Variants in LHFPL2 observed in about 807,000 individuals in gnomAD.
The protein encoded by LHFPL2 is LHFPL tetraspan subfamily member 2 protein.
A neutral mutation model predicts 17.5 loss-of-function variants in LHFPL2; 7 were observed. The ratio of observed to expected loss-of-function variants is 0.40; its 90% CI spans 0.23 to 0.75. The LOEUF (loss-of-function observed/expected upper bound fraction) is 0.75, where lower values mean the gene tolerates loss of function less well. LHFPL2 is among the 30% of genes least tolerant of loss of function. The probability of loss-of-function intolerance (pLI) is 0.37; values close to 1 mark genes in which losing one functional copy is unlikely to be tolerated. For missense variants in LHFPL2, 241 were observed against 294.8 expected (o/e 0.82, Z 1.34); for synonymous variants, 134 against 116.2 (o/e 1.15, Z -0.99).
Position 78,618,607 on chromosome 5 carries a change from T to C in LHFPL2, c.-245+13657A>G, listed in dbSNP as rs114952490. On this transcript the variant is annotated intron_variant, in intron 2 of 4. Coordinates refer to ENST00000380345, the MANE Select transcript of LHFPL2 (RefSeq NM_005779.3). ...GGAGCTCAGGGCTTGAAGAGCAGTG[T>C]TCCTTCCAACAAGACAGGAACTGCA... Among the ~76,000 whole-genome samples, 479 of 152,292 alleles carry C rather than the reference T, an allele frequency of 3.1e-3. 4 individuals carry two copies. Among genetic ancestry groups the C allele is most frequent in the African/African-American group, 0.011 (465 of 41,552 alleles).
chr5:78,512,284 A>G (rs934209079), intron 3 of LHFPL2, among the ~76,000 whole-genome samples: 4 of 151,974 alleles, frequency 2.6e-5, no homozygotes, highest in African/African-American at 9.7e-5. Context: ...CTTCAAGGGC[A>G]GAGTCCTGGT....
intron 1 of LHFPL2, among the ~76,000 whole-genome samples, chr5:78,642,792 T>A (rs1580886601): frequency 6.6e-6 from 1 of 152,176 alleles, no homozygotes; most frequent in Admixed American, 6.5e-5. Context: ...CTCTCCAAAC[T>A]GAGGTTCCCA....
At chr5:78,551,714 C>T (rs551108720) in intron 3 of LHFPL2, among the ~76,000 whole-genome samples, 18 of 152,312 alleles carry the variant, frequency 1.2e-4, no homozygotes, top group African/African-American at 3.6e-4. Flanking sequence ...TCCCACTTCC[C>T]CAAGGTGGGT....
rs889812396 is a variant in LHFPL2, at chr5:78,583,086, CAG to C, written c.-244-18217_-244-18216del. On this transcript the variant is annotated intron_variant, in intron 2 of 4. Coordinates refer to ENST00000380345, the MANE Select transcript of LHFPL2 (RefSeq NM_005779.3). ...TTTGTTGCTTTAAAGTCTGTTTTAT[CAG>C]AGACTAGGATTGCAACCCCTGCCTT... Among the ~76,000 whole-genome samples, 24 of 152,174 alleles carry C rather than the reference CAG, an allele frequency of 1.6e-4. No individual in the cohort carries two copies. In the East Asian group the frequency reaches 4.1e-3, roughly 26 times the overall value.
At chr5:78,582,746 A>G (rs1743194575) in intron 2 of LHFPL2, among the ~76,000 whole-genome samples, 1 of 152,174 alleles carries the variant, frequency 6.6e-6, no homozygotes, top group Admixed American at 6.5e-5. Flanking sequence ...GTGGTGCTGA[A>G]AAAAATGTAT....
chr5:78,573,991 A>G (rs575606012), intron 2 of LHFPL2, among the ~76,000 whole-genome samples: 1 of 152,326 alleles, frequency 6.6e-6, no homozygotes, highest in African/African-American at 2.4e-5. Flanking sequence ...CCTATATTTT[A>G]TAGGAAACAA....
intron 1 of LHFPL2, among the ~76,000 whole-genome samples, chr5:78,638,136 C>G (rs368155164): frequency 6.6e-6 from 1 of 152,200 alleles, no homozygotes; most frequent in Non-Finnish European, 1.5e-5. Flanking sequence ...AGGTGGATCA[C>G]GAGGTCAGGA....
intron 4 of LHFPL2, among the ~76,000 whole-genome samples, chr5:78,494,761 C>G (rs1386670916): frequency 2.0e-5 from 3 of 152,210 alleles, no homozygotes; most frequent in Admixed American, 1.3e-4. Flanking sequence ...TTTTATCTAC[C>G]CGTGCAAGAA....
chr5:78,557,545 A>G (rs1396692891), intron 3 of LHFPL2, among the ~76,000 whole-genome samples: 1 of 152,274 alleles, frequency 6.6e-6, no homozygotes, highest in African/African-American at 2.4e-5. Context: ...AGAGGAGACC[A>G]GCTCTTTCAG....
At chr5:78,505,827 T>C (rs1357346826) in intron 4 of LHFPL2, among the ~76,000 whole-genome samples, 1 of 152,388 alleles carries the variant, frequency 6.6e-6, no homozygotes, top group South Asian at 2.1e-4. Flanking sequence ...GCTTAAGCCT[T>C]TCTCATATAT....
chr5:78,587,271 T>A (rs1315463471), intron 2 of LHFPL2, among the ~76,000 whole-genome samples: 2 of 152,210 alleles, frequency 1.3e-5, no homozygotes, highest in African/African-American at 4.8e-5. Context: ...GGTTGATGCT[T>A]GTTGGCAAAG....
intron 2 of LHFPL2, among the ~76,000 whole-genome samples, chr5:78,570,866 G>A (rs932314021): frequency 2.6e-5 from 4 of 152,190 alleles, no homozygotes; most frequent in Admixed American, 2.0e-4. Flanking sequence ...AACTTGGGCT[G>A]TAAGTGCTGA....
At chr5:78,552,530 G>A (rs370772090) in intron 3 of LHFPL2, among the ~76,000 whole-genome samples, 98 of 152,328 alleles carry the variant, frequency 6.4e-4, no homozygotes, top group African/African-American at 2.2e-3. Context: ...ACGTAATAAG[G>A]GGGAAACCTG....
chr5:78,591,634 C>T (rs1448113493), intron 2 of LHFPL2, among the ~76,000 whole-genome samples: 1 of 152,148 alleles, frequency 6.6e-6, no homozygotes, highest in East Asian at 1.9e-4. Flanking sequence ...TTGACATTGT[C>T]GCGTCTACCC....
chr5:78,491,226 A>C (rs1227291959), intron 4 of LHFPL2: 1 of 151,240 alleles, frequency 6.6e-6, no homozygotes, highest in Non-Finnish European at 1.5e-5. Context: ...GGGGTGGAGT[A>C]GAGGGAATCA....
At chr5:78,575,434 A>G (rs573158667) in intron 2 of LHFPL2, among the ~76,000 whole-genome samples, 139 of 152,264 alleles carry the variant, frequency 9.1e-4, no homozygotes, top group African/African-American at 3.2e-3. Context: ...CTGTAGTCCC[A>G]GCTACTCGGG....
At chr5:78,547,417 G>A (rs563947787) in intron 3 of LHFPL2, among the ~76,000 whole-genome samples, 44 of 152,324 alleles carry the variant, frequency 2.9e-4, no homozygotes, top group Non-Finnish European at 5.9e-4. Flanking sequence ...TTACATGGCT[G>A]TGCCAGCCAG....
At chr5:78,557,678 A>T (rs2112404244) in intron 3 of LHFPL2, among the ~76,000 whole-genome samples, 1 of 152,298 alleles carries the variant, frequency 6.6e-6, no homozygotes, top group South Asian at 2.1e-4. Context: ...GTTATAGAAC[A>T]ATTTGGATCA....
chr5:78,575,074 CTTG>C (rs1305764940), intron 2 of LHFPL2, among the ~76,000 whole-genome samples: 1 of 152,190 alleles, frequency 6.6e-6, no homozygotes, highest in Non-Finnish European at 1.5e-5. Context: ...ATCCTGTGTT[CTTG>C]CCAGTGGATT....
Sources: gnomAD v4.1 joint callset for allele counts (sites outside exome capture counted in the v4.1 genomes callset) on GRCh38, gnomAD v4.1.1 for gene constraint, MANE v1.5 for transcripts, NCBI Gene and HGNC (gene_info 2026-07-23, HGNC 2026-07-21) for gene names.